The following CACNA1G variants were observed in gnomAD, a reference collection of about 807,000 sequenced individuals.
CACNA1G encodes voltage-dependent T-type calcium channel subunit alpha-1G.
Under a neutral mutation model 219.4 loss-of-function variants are expected in CACNA1G, and 67 were observed. The observed-to-expected ratio is 0.31, with a 90% CI of 0.25 to 0.37. The LOEUF (loss-of-function observed/expected upper bound fraction) is 0.37. Ranked by LOEUF, CACNA1G falls within the 10% of genes least tolerant of loss-of-function variation. The probability of loss-of-function intolerance (pLI) is 1.00; values close to 1 mark genes in which losing one functional copy is unlikely to be tolerated. For synonymous variants in CACNA1G, 1,296 were observed against 1,345.3 expected (o/e 0.96, Z 0.80); for missense variants, 2,380 against 3,231.4 (o/e 0.74, Z 6.39).
At chr17:50,591,893 A>G in intron 12 of CACNA1G, 40 bp downstream of exon 12, 1 of 1,613,278 alleles carries the variant, frequency 6.2e-7, no homozygotes, top group Non-Finnish European at 8.5e-7. Context: ...AGGGGCCGTC[A>G]GGTGCCCCTA....
Position 50,626,629 on chromosome 17 carries a change from A to G in CACNA1G, c.7012A>G (p.Ser2338Gly). ...GICLRRRAPS[S>G]DSKDPLASGP... is the part of the protein sequence containing the mutation. ...CTGCCTCCGGAGGAGGGCTCCGTCC[A>G]GCGACTCCAAGGATCCCTTGGCCTC... Residue 2338 changes from serine to glycine, a missense_variant, in exon 38 of 38, where the codon AGC (serine) becomes GGC (glycine). Ser to Gly is a moderately conservative substitution (Grantham distance 56). Around this residue, in one of 17 missense-constraint regions of CACNA1G, gnomAD observed 672 missense variants for 670.5 expected, o/e 1.00. Transcript: ENST00000359106. This position sits in a 1 kb window ranked among gnomAD's most constrained non-coding sequence, Gnocchi z 4.3. 1 of 1,610,396 alleles carries G rather than the reference A, an allele frequency of 6.2e-7. No homozygotes were observed. The highest frequency in any genetic ancestry group is 1.7e-5 in the Admixed American group (1 of 59,606).
chr17:50,567,599 C>T (rs2038247775), intron 1 of CACNA1G, among the ~76,000 whole-genome samples: 1 of 152,112 alleles, frequency 6.6e-6, no homozygotes, highest in Non-Finnish European at 1.5e-5. Flanking sequence ...CTTGGTGGGT[C>T]ATGCCAGGAG....
intron 26 of CACNA1G, among the ~76,000 whole-genome samples, chr17:50,613,192 C>T (rs903852680): frequency 6.6e-6 from 1 of 152,208 alleles, no homozygotes; most frequent in Admixed American, 6.5e-5. Context: ...GAATGAGTCA[C>T]TTTTTGCCTG....
intron 19 of CACNA1G, 149 bp downstream of exon 19, chr17:50,601,323 A>G (rs1298919056): frequency 2.1e-6 from 2 of 962,000 alleles, no homozygotes; most frequent in African/African-American, 3.3e-5. Flanking sequence ...CTCTCACCAG[A>G]TCCTGGTCCC....
At chr17:50,563,728 G>C (rs1005373235) in intron 1 of CACNA1G, 1 of 152,416 alleles carries the variant, frequency 6.6e-6, no homozygotes, top group Non-Finnish European at 1.5e-5. Flanking sequence ...TCCCCCAGGG[G>C]AGTGGTAGTT....
chr17:50,599,995 A>G (rs2046307355), intron 17 of CACNA1G, 136 bp downstream of exon 17: 2 of 869,466 alleles, frequency 2.3e-6, no homozygotes, highest in Admixed American at 2.8e-5. Context: ...ACCGAGCTCC[A>G]AACAATCCCT....
intron 9 of CACNA1G, among the ~76,000 whole-genome samples, chr17:50,580,274 G>A (rs1413825804): frequency 6.6e-6 from 1 of 152,144 alleles, no homozygotes; most frequent in Non-Finnish European, 1.5e-5. Flanking sequence ...AGTGGGGGGT[G>A]GGCAGCATTT....
In CACNA1G at chr17:50,574,517, A is replaced by G. The variant is rs1048427278; in HGVS notation, c.1141-1026A>G. Among the ~76,000 whole-genome samples, 50 of 152,182 alleles carry G rather than the reference A, an allele frequency of 3.3e-4. 2 individuals are homozygous for G. The highest frequency in any genetic ancestry group is 2.9e-5 in the Non-Finnish European group (2 of 68,026). ...GTTCCCATCCCTGGCCACCACCTCA[A>G]GGGGTGAGGCCAGTGCTTCAGGGAA... On this transcript the variant is annotated intron_variant, in intron 7 of 37. Transcript: ENST00000359106.
chr17:50,612,620 A>G (rs2049472899), intron 26 of CACNA1G, among the ~76,000 whole-genome samples: 1 of 152,078 alleles, frequency 6.6e-6, no homozygotes, highest in South Asian at 2.1e-4. Flanking sequence ...TCTTCTGCCT[A>G]CTCATTGCCA....
intron 9 of CACNA1G, among the ~76,000 whole-genome samples, chr17:50,582,403 C>T (rs1054707853): frequency 1.3e-5 from 2 of 152,172 alleles, no homozygotes; most frequent in Admixed American, 6.5e-5. Context: ...GCTGGATCTG[C>T]AGGACCCAAT....
In CACNA1G at chr17:50,600,896, T is replaced by A. The variant is rs1329270392; in HGVS notation, c.3791+70T>A. On this transcript the variant is annotated intron_variant, in intron 18 of 37. Transcript: ENST00000359106. This position sits in a 1 kb window ranked among gnomAD's most constrained non-coding sequence, Gnocchi z 4.1. ...TCTCACGGGAAATTACCGCTGGTGA[T>A]GCTGTCAGGGATTTGAGAAGTGGCA... The A allele has an allele frequency of 6.4e-7, 1 of 1,569,470 alleles. No individual in the cohort carries two copies. Among genetic ancestry groups the A allele is most frequent in the African/African-American group, 1.3e-5 (1 of 74,102 alleles).
Position 50,606,995 on chromosome 17 carries a change from G to A in CACNA1G, c.4512+6G>A. ...CTGTGGGCGTGGACCAGCAGGTAGG[G>A]CTGAGGTGGGCAGGATCCATCTGTG... On this transcript the variant is annotated splice_donor_region_variant and intron_variant, in intron 24 of 37. Coordinates refer to ENST00000359106, the MANE Select transcript of CACNA1G (RefSeq NM_018896.5). 6.2e-7 allele frequency: 1 copy of A among 1,607,622 alleles called. No homozygotes were observed. Among genetic ancestry groups the A allele is most frequent in the Non-Finnish European group, 8.5e-7 (1 of 1,174,130 alleles).
Position 50,578,672 on chromosome 17 carries a change from G to T in CACNA1G, c.2301+108G>T. ...CTCCTGAGCTCAGCTTCCTCTCCAT[G>T]CTGCTAGCCCACCTGGCAGGTAGGA... is the stretch of plus-strand genomic sequence containing the variant. On this transcript the variant is annotated intron_variant, in intron 9 of 37. Coordinates refer to ENST00000359106, the MANE Select transcript of CACNA1G (RefSeq NM_018896.5). This position sits in a 1 kb window ranked among gnomAD's most constrained non-coding sequence, Gnocchi z 4.5. 4 of 1,143,040 alleles carry T rather than the reference G, an allele frequency of 3.5e-6. No individual in the cohort carries two copies. The highest frequency in any genetic ancestry group is 4.8e-6 in the Non-Finnish European group (4 of 825,730). The allele number at this position is 1,143,040 out of a possible 1,614,324, so 70.8% of individuals were successfully genotyped here. A position where few individuals can be genotyped will look rare whatever the true frequency, so the allele number is the denominator to read the frequency against.
chr17:50,576,679 T>C (rs747406670), intron 8 of CACNA1G, among the ~76,000 whole-genome samples: 1 of 152,214 alleles, frequency 6.6e-6, no homozygotes, highest in East Asian at 1.9e-4. Context: ...CATTAAGTGA[T>C]AGGCTTTCTT....
rs977079960 is a variant in CACNA1G at position 50,595,070 on chromosome 17, G to C, written c.2979+9G>C. On this transcript the variant is annotated intron_variant, in intron 14 of 37. Transcript: ENST00000359106. ...CTGTCGACTCCCAGGGGGTAGGTACGCGATCATGAGCCGGCATGCCTCCCG... is the reference window on the plus strand; with the variant it reads ...CTGTCGACTCCCAGGGGGTAGGTACCCGATCATGAGCCGGCATGCCTCCCG... The C allele has an allele frequency of 2.6e-6, 4 of 1,550,238 alleles. No individual in the cohort carries two copies. The South Asian group carries it at 4.8e-5, about 18-fold the overall frequency.
rs879256222 is a variant in CACNA1G at position 50,579,930 on chromosome 17, C to T, written c.2301+1366C>T. Among the ~76,000 whole-genome samples the T allele has an allele frequency of 9.2e-5, 14 of 152,230 alleles. 1 individual carries two copies. The highest frequency in any genetic ancestry group is 4.6e-4 in the Admixed American group (7 of 15,304). The stretch of plus-strand genomic sequence containing the variant: ...GCAGACAGTGAGGTGTTCACTTTTC[C>T]GGGGGATTCGAAGCCCGCCCCCACA... On this transcript the variant is annotated intron_variant, in intron 9 of 37. Coordinates refer to ENST00000359106, the MANE Select transcript of CACNA1G (RefSeq NM_018896.5).
In CACNA1G at chr17:50,596,555, G is replaced by T. The variant is rs762346526; in HGVS notation, c.2980-7G>T. 2.5e-6 allele frequency: 4 copies of T among 1,613,484 alleles called. No homozygotes were observed. Among genetic ancestry groups the T allele is most frequent in the African/African-American group, 2.7e-5 (2 of 74,894 alleles). ...ATCCCTAATGGTCCGCTGCTCCCCT[G>T]CCCTAGGGAGATGCCAACAAGTCCG... On this transcript the variant is annotated splice_region_variant and splice_polypyrimidine_tract_variant and intron_variant, in intron 14 of 37. Transcript: ENST00000359106. This position sits in a 1 kb window ranked among gnomAD's most constrained non-coding sequence, Gnocchi z 4.8.
Position 50,561,450 on chromosome 17 carries a change from T to C in CACNA1G, c.-10T>C. Reference sequence around the variant, plus strand: ...TCTCCGGATCGCCCGGGGCCCCGGCTGGCCAGAGGATGGACGAGGAGGAGG... The same window carrying C: ...TCTCCGGATCGCCCGGGGCCCCGGCCGGCCAGAGGATGGACGAGGAGGAGG... On this transcript the variant is annotated 5_prime_UTR_variant, in exon 1 of 38. Coordinates refer to ENST00000359106, the MANE Select transcript of CACNA1G (RefSeq NM_018896.5). The C allele has an allele frequency of 6.5e-7, 1 of 1,533,842 alleles. No homozygotes were observed. Among genetic ancestry groups the C allele is most frequent in the Non-Finnish European group, 8.7e-7 (1 of 1,146,484 alleles).
chr17:50,607,803 C>T, intron 24 of CACNA1G, 24 bp from the exon 25 acceptor site: 2 of 1,608,992 alleles, frequency 1.2e-6, no homozygotes, highest in South Asian at 2.2e-5. Flanking sequence ...GATGCCTCCG[C>T]CTGTCCTTCC....
Sources: gnomAD v4.1 joint callset for allele counts (sites outside exome capture counted in the v4.1 genomes callset) on GRCh38, gnomAD v4.1.1 for gene constraint, gnomAD v4.1.1 regional missense constraint, Gnocchi (gnomAD v3.1) non-coding constraint, MANE v1.5 for transcripts, NCBI Gene and HGNC (gene_info 2026-07-23, HGNC 2026-07-21) for gene names.